The following ACTR3C variants were observed in gnomAD, a reference collection of about 807,000 sequenced individuals.
ACTR3C encodes the protein actin related protein 3C.
Under a neutral mutation model 26.3 loss-of-function variants are expected in ACTR3C, and 18 were observed. The ratio of observed to expected loss-of-function variants is 0.68; its 90% confidence interval spans 0.47 to 1.01. The LOEUF is 1.01. ACTR3C is among the 50% of genes least tolerant of loss of function. The pLI, the probability that ACTR3C is intolerant of heterozygous loss-of-function variation, is 0.00. For synonymous variants in ACTR3C, 55 were observed against 94.5 expected (o/e 0.58, Z 2.42); for missense variants, 184 against 250.7 (o/e 0.73, Z 1.80).
chr7:150,077,800 T>C, the ACTR3C span, among the ~76,000 whole-genome samples: 3 of 152,222 alleles, frequency 2.0e-5, no homozygotes, highest in Non-Finnish European at 4.4e-5. Flanking sequence ...CTCTGTCTCA[T>C]CCTAGTGCAA....
At chr7:150,030,256 GTGGC>G in the ACTR3C span, among the ~76,000 whole-genome samples, 453 of 138,638 alleles carry the variant, frequency 3.3e-3, no homozygotes, top group South Asian at 0.011. Context: ...CTAGCCCCAT[GTGGC>G]TGGCTATTTA....
At chr7:149,893,806 A>G in the ACTR3C span, among the ~76,000 whole-genome samples, 10 of 152,248 alleles carry the variant, frequency 6.6e-5, no homozygotes, top group Non-Finnish European at 1.5e-5. Flanking sequence ...AGCTATACAA[A>G]TGTAAGTGCT....
chr7:150,005,104 A>C, the ACTR3C span: 2 of 152,238 alleles, frequency 1.3e-5, no homozygotes, highest in Non-Finnish European at 2.9e-5. Flanking sequence ...AGAAAATAAT[A>C]AAGTAAATGG....
the ACTR3C span, among the ~76,000 whole-genome samples, chr7:150,034,925 T>TGAA: frequency 7.8e-6 from 1 of 128,342 alleles, no homozygotes; most frequent in Non-Finnish European, 1.6e-5. Context: ...GCGATGGGGG[T>TGAA]ACTAACAGCC....
the ACTR3C span, among the ~76,000 whole-genome samples, chr7:150,029,526 C>CACT: frequency 6.6e-6 from 1 of 151,984 alleles, no homozygotes; most frequent in South Asian, 2.1e-4. Context: ...ATGATCATAC[C>CACT]ACTACACTGC....
chr7:150,087,858 C>G, the ACTR3C span, among the ~76,000 whole-genome samples: 1 of 152,140 alleles, frequency 6.6e-6, no homozygotes, highest in Non-Finnish European at 1.5e-5. Flanking sequence ...AGTTATTAGG[C>G]ACGTAAAAGA....
At chr7:149,939,304 T>C in the ACTR3C span, among the ~76,000 whole-genome samples, 1 of 152,126 alleles carries the variant, frequency 6.6e-6, no homozygotes, top group Non-Finnish European at 1.5e-5. Context: ...TATTTAAGCA[T>C]GTTATGGAGA....
chr7:150,264,196 C>T (rs949677006), intron 6 of ACTR3C, among the ~76,000 whole-genome samples: 10 of 152,350 alleles, frequency 6.6e-5, no homozygotes, highest in South Asian at 2.1e-4. Flanking sequence ...CCCTCATTCG[C>T]GCTGCTCCTT....
the ACTR3C span, among the ~76,000 whole-genome samples, chr7:149,924,212 C>T: frequency 6.8e-6 from 1 of 146,442 alleles, no homozygotes; most frequent in South Asian, 2.1e-4. Context: ...CCCGTCTCTA[C>T]TAAATATAAA....
At chr7:149,967,028 A>ATTTT in the ACTR3C span, among the ~76,000 whole-genome samples, 2,328 of 64,644 alleles carry the variant, frequency 0.036, 427 homozygotes, top group Non-Finnish European at 0.044. Context: ...TGCACAGCTA[A>ATTTT]TTTTTTTTTT....
the ACTR3C span, among the ~76,000 whole-genome samples, chr7:149,985,035 C>G: frequency 2.5e-4 from 38 of 152,230 alleles, no homozygotes; most frequent in African/African-American, 9.2e-4. Flanking sequence ...AACCTGCCTA[C>G]GCACCAACAC....
chr7:149,996,190 G>T, the ACTR3C span, among the ~76,000 whole-genome samples: 1 of 152,276 alleles, frequency 6.6e-6, no homozygotes, highest in African/African-American at 2.4e-5. Context: ...AGAGCAGATG[G>T]TCTTGCCCCG....
At chr7:150,014,594 C>G in the ACTR3C span, among the ~76,000 whole-genome samples, 1 of 152,134 alleles carries the variant, frequency 6.6e-6, no homozygotes, top group South Asian at 2.1e-4. Context: ...GCAGCAGGAC[C>G]AGCACTAGCA....
the ACTR3C span, among the ~76,000 whole-genome samples, chr7:149,944,679 C>T: frequency 6.6e-6 from 1 of 151,874 alleles, no homozygotes; most frequent in Non-Finnish European, 1.5e-5. Context: ...ATGTCTCCTC[C>T]TTCACCTGCT....
chr7:150,206,668 C>T, the ACTR3C span, among the ~76,000 whole-genome samples: 3 of 152,070 alleles, frequency 2.0e-5, no homozygotes, highest in Admixed American at 6.5e-5. Flanking sequence ...GTGATCCACA[C>T]GCCTTGGCCT....
the ACTR3C span, among the ~76,000 whole-genome samples, chr7:150,209,053 A>G: frequency 6.6e-6 from 1 of 152,172 alleles, no homozygotes. Context: ...ATATTAATGA[A>G]CTTGAAGACA....
At chr7:150,134,317 A>T in the ACTR3C span, among the ~76,000 whole-genome samples, 4 of 151,792 alleles carry the variant, frequency 2.6e-5, no homozygotes, top group African/African-American at 9.7e-5. Context: ...TGAACGGGAG[A>T]AGGGGCCAAG....
the ACTR3C span, among the ~76,000 whole-genome samples, chr7:150,059,528 G>A: frequency 1.3e-5 from 2 of 152,176 alleles, no homozygotes; most frequent in South Asian, 4.1e-4. Flanking sequence ...TGTTTTGTGA[G>A]ATGTTTTCTA....
At chr7:150,160,821 T>A in the ACTR3C span, among the ~76,000 whole-genome samples, 2 of 151,054 alleles carry the variant, frequency 1.3e-5, no homozygotes, top group Non-Finnish European at 2.9e-5. Flanking sequence ...CAGATATTTG[T>A]CAAAGAAGTA....
Sources: allele counts gnomAD v4.1 joint callset (sites outside exome capture counted in the v4.1 genomes callset), GRCh38; gene constraint gnomAD v4.1.1; transcripts MANE v1.5; gene names NCBI Gene and HGNC (gene_info 2026-07-23, HGNC 2026-07-21).